Variants in PHF24 observed in about 807,000 individuals in gnomAD.
PHF24 encodes Galpha inhibitory interacting protein.
A neutral mutation model predicts 42.6 loss-of-function variants in PHF24; 25 were observed. That is an observed-to-expected ratio of 0.59 (90% CI 0.43 to 0.82). The LOEUF (loss-of-function observed/expected upper bound fraction) is 0.82, where lower values mean the gene tolerates loss of function less well. Among genes scored for constraint, PHF24 ranks in the 40% least tolerant of loss-of-function variants. The probability of loss-of-function intolerance (pLI) is 0.00; values close to 1 mark genes in which losing one functional copy is unlikely to be tolerated. For synonymous variants in PHF24, 185 were observed against 204.8 expected, an observed-to-expected ratio of 0.90 and a Z score of 0.83; for missense variants, 470 against 538.1, an observed-to-expected ratio of 0.87 and a Z score of 1.25.
the PHF24 span, among the ~76,000 whole-genome samples, chr9:34,685,845 T>G: frequency 1.3e-5 from 2 of 152,220 alleles, no homozygotes; most frequent in African/African-American, 2.4e-5. Flanking sequence ...CTTGCTGTAC[T>G]GTTCTCCATT....
the PHF24 span, among the ~76,000 whole-genome samples, chr9:34,780,626 G>A: frequency 1.3e-5 from 2 of 152,004 alleles, no homozygotes; most frequent in South Asian, 2.1e-4. Flanking sequence ...CACAATAAAC[G>A]AAGAAAAATA....
chr9:34,693,100 C>T, the PHF24 span, among the ~76,000 whole-genome samples: 1 of 152,182 alleles, frequency 6.6e-6, no homozygotes, highest in East Asian at 1.9e-4. Flanking sequence ...CGTGCCTGGC[C>T]TTCTATCCTT....
At chr9:34,873,477 C>G in the PHF24 span, among the ~76,000 whole-genome samples, 1 of 150,812 alleles carries the variant, frequency 6.6e-6, no homozygotes, top group African/African-American at 2.4e-5. Flanking sequence ...TTCCCCATTT[C>G]TTGTTTTTGT....
the PHF24 span, among the ~76,000 whole-genome samples, chr9:34,899,702 G>A: frequency 3.9e-5 from 6 of 152,176 alleles, no homozygotes; most frequent in Admixed American, 3.3e-4. Flanking sequence ...ACTACCCAAT[G>A]CAGGATTGTG....
the PHF24 span, chr9:34,709,552 T>A: frequency 6.2e-7 from 1 of 1,614,178 alleles, no homozygotes; most frequent in Non-Finnish European, 8.5e-7. Flanking sequence ...GAGGCCCCCC[T>A]GTCCTTCCTG....
chr9:34,795,155 T>G, the PHF24 span, among the ~76,000 whole-genome samples: 1 of 152,116 alleles, frequency 6.6e-6, no homozygotes, highest in Non-Finnish European at 1.5e-5. Context: ...CATGGATTTC[T>G]TGAGCATCAC....
At chr9:34,851,695 G>A in the PHF24 span, among the ~76,000 whole-genome samples, 1 of 152,098 alleles carries the variant, frequency 6.6e-6, no homozygotes, top group Non-Finnish European at 1.5e-5. Context: ...CTTCTGCATC[G>A]CTCACGCTGG....
the PHF24 span, among the ~76,000 whole-genome samples, chr9:34,800,181 T>C: frequency 2.0e-5 from 3 of 152,200 alleles, no homozygotes; most frequent in Non-Finnish European, 1.5e-5. Flanking sequence ...TCAGAGGAAC[T>C]GGTCTTACAG....
the PHF24 span, among the ~76,000 whole-genome samples, chr9:34,676,843 G>C: frequency 1.1e-4 from 16 of 152,210 alleles, no homozygotes; most frequent in African/African-American, 3.9e-4. Flanking sequence ...GATGCCACAC[G>C]CTCTTAAACA....
At chr9:34,867,635 A>C in the PHF24 span, among the ~76,000 whole-genome samples, 1 of 152,138 alleles carries the variant, frequency 6.6e-6, no homozygotes, top group Non-Finnish European at 1.5e-5. Context: ...ACTCCTTTTG[A>C]TGGTTTTTGT....
the PHF24 span, among the ~76,000 whole-genome samples, chr9:34,698,352 T>C: frequency 1.3e-5 from 2 of 152,290 alleles, no homozygotes; most frequent in Admixed American, 6.5e-5. Flanking sequence ...AAAATAGTCA[T>C]CTAGGGCATA....
the PHF24 span, chr9:34,728,620 G>GCAT: frequency 6.4e-7 from 1 of 1,550,800 alleles, no homozygotes; most frequent in Middle Eastern, 1.9e-4. Context: ...TGTTGATGCT[G>GCAT]CATCTCTAGC....
the PHF24 span, among the ~76,000 whole-genome samples, chr9:34,886,795 A>G: frequency 7.4e-6 from 1 of 134,710 alleles, no homozygotes; most frequent in Non-Finnish European, 1.6e-5. Context: ...CTGTCTATCT[A>G]CTCTATCTAT....
At chr9:34,841,772 C>T in the PHF24 span, among the ~76,000 whole-genome samples, 3 of 152,178 alleles carry the variant, frequency 2.0e-5, no homozygotes, top group Non-Finnish European at 4.4e-5. Context: ...GCAGGAAAAT[C>T]GCTTGAACCA....
the PHF24 span, among the ~76,000 whole-genome samples, chr9:34,741,630 G>A: frequency 1.3e-5 from 2 of 152,202 alleles, no homozygotes; most frequent in African/African-American, 4.8e-5. Flanking sequence ...CCAAAGTGCT[G>A]GGATTATAGG....
chr9:34,930,892 A>G, the PHF24 span, among the ~76,000 whole-genome samples: 2 of 152,150 alleles, frequency 1.3e-5, no homozygotes, highest in Admixed American at 1.3e-4. Context: ...TATGGTCTGG[A>G]TTTGTGTCCC....
At chr9:34,826,817 T>C in the PHF24 span, among the ~76,000 whole-genome samples, 1 of 152,202 alleles carries the variant, frequency 6.6e-6, no homozygotes, top group African/African-American at 2.4e-5. Context: ...TCCTAGCATC[T>C]ACCCCCAAAC....
chr9:34,723,581 T>C, the PHF24 span: 39 of 1,551,674 alleles, frequency 2.5e-5, no homozygotes, highest in South Asian at 4.5e-4. Context: ...GTTAATATGC[T>C]GCAGAAAACA....
At chr9:34,874,974 A>G in the PHF24 span, among the ~76,000 whole-genome samples, 2 of 152,152 alleles carry the variant, frequency 1.3e-5, no homozygotes, top group African/African-American at 4.8e-5. Flanking sequence ...TCTAATTATT[A>G]ACACATTTTT....
Sources: allele counts gnomAD v4.1 joint callset (sites outside exome capture counted in the v4.1 genomes callset), GRCh38; gene constraint gnomAD v4.1.1; transcripts MANE v1.5; gene names NCBI Gene and HGNC (gene_info 2026-07-23, HGNC 2026-07-21).